PDGFC: variants seen among roughly 807,000 people sequenced by gnomAD.
The protein encoded by PDGFC is platelet derived growth factor C, also known as platelet-derived growth factor C.
Under a neutral mutation model 35.5 loss-of-function variants are expected in PDGFC, and 12 were observed. The observed-to-expected ratio is 0.34, with a 90% CI of 0.22 to 0.55. The LOEUF (loss-of-function observed/expected upper bound fraction) is 0.55. Ranked by LOEUF, PDGFC falls within the 20% of genes least tolerant of loss-of-function variation. The pLI is 0.91. For missense variants in PDGFC, 322 were observed against 412.4 expected, an observed-to-expected ratio of 0.78 and a Z score of 1.90; for synonymous variants, 159 against 148.8, an observed-to-expected ratio of 1.07 and a Z score of -0.50.
chr4:156,955,224 T>C (rs1025238843), intron 1 of PDGFC, among the ~76,000 whole-genome samples: 1 of 152,016 alleles, frequency 6.6e-6, no homozygotes, highest in African/African-American at 2.4e-5. Flanking sequence ...CTAACTCACT[T>C]GGCTATTTTT....
intron 2 of PDGFC, among the ~76,000 whole-genome samples, chr4:156,836,685 C>T (rs1729070993): frequency 6.6e-6 from 1 of 152,150 alleles, no homozygotes; most frequent in Non-Finnish European, 1.5e-5. Flanking sequence ...TCCTTACTTC[C>T]ATTCTGTACC....
intron 3 of PDGFC, among the ~76,000 whole-genome samples, chr4:156,781,328 C>T (rs1446558355): frequency 5.9e-5 from 9 of 152,078 alleles, no homozygotes; most frequent in Admixed American, 5.9e-4. Context: ...TAACTGGTCT[C>T]CCTGTTAAAC....
intron 1 of PDGFC, among the ~76,000 whole-genome samples, chr4:156,965,724 T>G (rs1164284168): frequency 6.6e-6 from 1 of 152,086 alleles, no homozygotes; most frequent in Admixed American, 6.6e-5. Context: ...CCAAAAGAGC[T>G]GCAGGAAGGG....
intron 1 of PDGFC, among the ~76,000 whole-genome samples, chr4:156,871,994 G>C: frequency 6.6e-6 from 1 of 150,998 alleles, no homozygotes; most frequent in South Asian, 2.1e-4. Flanking sequence ...ATAAAGCAAT[G>C]GCAAATTTTA....
chr4:156,854,826 A>C (rs1232924795), intron 1 of PDGFC, among the ~76,000 whole-genome samples: 2 of 152,160 alleles, frequency 1.3e-5, no homozygotes, highest in Non-Finnish European at 2.9e-5. Flanking sequence ...ACAAAAAAAA[A>C]GTTTATAGTC....
intron 2 of PDGFC, among the ~76,000 whole-genome samples, chr4:156,829,315 T>A (rs943980504): frequency 1.2e-4 from 19 of 152,148 alleles, no homozygotes; most frequent in African/African-American, 4.3e-4. Context: ...TATCTTCACA[T>A]AAAGGGAAGC....
intron 2 of PDGFC, among the ~76,000 whole-genome samples, chr4:156,833,735 T>A (rs1420039289): frequency 6.6e-6 from 1 of 152,236 alleles, no homozygotes. Flanking sequence ...GAATACTATC[T>A]CTACAATTTA....
rs183577526 is a variant in PDGFC, at chr4:156,955,528, A to G, written c.118+15258T>C. 2.4e-4 allele frequency among the ~76,000 whole-genome samples: 36 copies of G among 152,150 alleles called. No homozygotes were observed. In the South Asian group the frequency reaches 3.5e-3, roughly 15 times the overall value. On this transcript the variant is annotated intron_variant, in intron 1 of 5. Transcript: ENST00000502773. ...AACATTCAGTTTTTAATTGTCAGCT[A>G]TACTCAAAGCTGGGAAAAACCCTAT...
chr4:156,848,353 C>T (rs1400715091), intron 2 of PDGFC, among the ~76,000 whole-genome samples: 1 of 151,896 alleles, frequency 6.6e-6, no homozygotes, highest in Non-Finnish European at 1.5e-5. Context: ...AACAATTTAA[C>T]TCTACCTAGT....
intron 1 of PDGFC, among the ~76,000 whole-genome samples, chr4:156,909,188 G>C (rs900560545): frequency 6.6e-6 from 1 of 152,102 alleles, no homozygotes; most frequent in Admixed American, 6.6e-5. Flanking sequence ...TTCTAAAGTT[G>C]CACAACTGTG....
chr4:156,882,191 A>C (rs1275339801), intron 1 of PDGFC, among the ~76,000 whole-genome samples: 5 of 152,098 alleles, frequency 3.3e-5, no homozygotes, highest in Admixed American at 1.3e-4. Flanking sequence ...TGTTAAGAAA[A>C]TCAATTCTTT....
intron 1 of PDGFC, among the ~76,000 whole-genome samples, chr4:156,952,709 C>G (rs1732113563): frequency 6.6e-6 from 1 of 151,858 alleles, no homozygotes; most frequent in Non-Finnish European, 1.5e-5. Context: ...AAGCCAGTAA[C>G]CTTCCTCAAC....
At chr4:156,834,894 C>A (rs1258919644) in intron 2 of PDGFC, among the ~76,000 whole-genome samples, 2 of 151,340 alleles carry the variant, frequency 1.3e-5, no homozygotes, top group East Asian at 3.9e-4. Context: ...TTTTCATGGT[C>A]TTGAGTCATA....
At chr4:156,806,476 T>C (rs920556853) in intron 3 of PDGFC, among the ~76,000 whole-genome samples, 3 of 152,000 alleles carry the variant, frequency 2.0e-5, no homozygotes. Context: ...AAATCAGTGG[T>C]AATCATTTTT....
chr4:156,916,641 G>A (rs907563073), intron 1 of PDGFC, among the ~76,000 whole-genome samples: 9 of 152,094 alleles, frequency 5.9e-5, no homozygotes, highest in Non-Finnish European at 1.2e-4. Flanking sequence ...TGAAACCAAC[G>A]AAAGTGGTTC....
chr4:156,826,346 G>A (rs1732479253), intron 2 of PDGFC, among the ~76,000 whole-genome samples: 1 of 151,566 alleles, frequency 6.6e-6, no homozygotes, highest in South Asian at 2.1e-4. Context: ...GGGATGACAG[G>A]CACCTGCCAC....
intron 1 of PDGFC, among the ~76,000 whole-genome samples, chr4:156,949,600 A>T (rs959587624): frequency 3.3e-5 from 5 of 151,906 alleles, no homozygotes; most frequent in African/African-American, 1.2e-4. Flanking sequence ...AGAACTACCT[A>T]TTCAGAAGGG....
intron 2 of PDGFC, among the ~76,000 whole-genome samples, chr4:156,840,566 A>G (rs181483859): frequency 6.6e-6 from 1 of 152,334 alleles, no homozygotes; most frequent in East Asian, 1.9e-4. Context: ...TCCCCTACAG[A>G]AAGTCCCCAC....
chr4:156,899,170 A>T (rs1056035023), intron 1 of PDGFC, among the ~76,000 whole-genome samples: 1 of 152,372 alleles, frequency 6.6e-6, no homozygotes, highest in South Asian at 2.1e-4. Flanking sequence ...CAGAAAAATT[A>T]AAAGTTCCAA....
Sources: allele counts gnomAD v4.1 joint callset (sites outside exome capture counted in the v4.1 genomes callset), GRCh38; gene constraint gnomAD v4.1.1; transcripts MANE v1.5; gene names NCBI Gene and HGNC (gene_info 2026-07-23, HGNC 2026-07-21).